Variants in PPFIA2 observed in about 807,000 individuals in gnomAD.
PPFIA2 encodes the protein PPFI scaffold protein A2, also known as liprin-alpha-2.
PPFIA2 carries 46 observed loss-of-function variants against 175.5 expected under a neutral mutation model. The ratio of observed to expected loss-of-function variants is 0.26; its 90% CI spans 0.21 to 0.34. PPFIA2 has a LOEUF of 0.34. PPFIA2 is among the 10% of genes least tolerant of loss of function. PPFIA2 has a pLI of 1.00. For missense variants in PPFIA2, 1,179 were observed against 1,506.1 expected, an observed-to-expected ratio of 0.78 and a Z score of 3.60; for synonymous variants, 568 against 511.4, an observed-to-expected ratio of 1.11 and a Z score of -1.49.
At chr12:81,346,059 A>T (rs542312624) in intron 18 of PPFIA2, among the ~76,000 whole-genome samples, 1 of 151,482 alleles carries the variant, frequency 6.6e-6, no homozygotes, top group East Asian at 1.9e-4. Flanking sequence ...TCTTCTTTTT[A>T]AAAAAAATTC....
chr12:81,445,819 C>T (rs754516726), intron 5 of PPFIA2, 99 bp from the exon 6 acceptor site: 4 of 1,132,682 alleles, frequency 3.5e-6, no homozygotes, highest in Non-Finnish European at 4.9e-6. Context: ...TACATAGTAT[C>T]TAATGTTAGC....
chr12:81,579,985 T>C (rs1473743837), intron 4 of PPFIA2, among the ~76,000 whole-genome samples: 2 of 151,808 alleles, frequency 1.3e-5, no homozygotes, highest in African/African-American at 4.8e-5. Context: ...AAGGATCTTT[T>C]ACTCTGATCC....
At chr12:81,447,758 T>G (rs559357890) in intron 5 of PPFIA2, among the ~76,000 whole-genome samples, 11 of 152,332 alleles carry the variant, frequency 7.2e-5, no homozygotes, top group Admixed American at 5.2e-4. Flanking sequence ...TTAGCTCAAT[T>G]CCCAACATCT....
intron 3 of PPFIA2, among the ~76,000 whole-genome samples, chr12:81,683,788 G>GA (rs937128887): frequency 4.0e-5 from 6 of 151,582 alleles, no homozygotes; most frequent in East Asian, 3.9e-4. Context: ...ATTAAATAAA[G>GA]AAAAAAAAGG....
chr12:81,657,085 T>C (rs534349770), intron 4 of PPFIA2, among the ~76,000 whole-genome samples: 4 of 152,304 alleles, frequency 2.6e-5, no homozygotes, highest in African/African-American at 9.6e-5. Flanking sequence ...AATGTTTCCC[T>C]GACTGTAAGC....
At position 81,556,846 on chromosome 12, in the gene PPFIA2, T is replaced by C. The variant is rs34136585; in HGVS notation, c.304-98980A>G. Among the ~76,000 whole-genome samples the C allele has an allele frequency of 4.8e-3, 730 of 152,088 alleles. 5 individuals are homozygous for C. Among genetic ancestry groups the C allele is most frequent in the Non-Finnish European group, 7.0e-3 (475 of 67,880 alleles). On this transcript the variant is annotated intron_variant, in intron 4 of 32. Coordinates refer to ENST00000549396, the MANE Select transcript of PPFIA2 (RefSeq NM_003625.5). ...CTAATAGAAGCTAAAATATAAGATG[T>C]ACATGAGGACTGCACATCTTTCACT...
chr12:81,443,593 A>G (rs1049869857), intron 6 of PPFIA2, among the ~76,000 whole-genome samples: 4 of 152,060 alleles, frequency 2.6e-5, no homozygotes, highest in Non-Finnish European at 5.9e-5. Context: ...TATTACCTCT[A>G]TTCTGATAAA....
chr12:81,634,627 G>A (rs1177594554), intron 4 of PPFIA2, among the ~76,000 whole-genome samples: 1 of 151,992 alleles, frequency 6.6e-6, no homozygotes, highest in Non-Finnish European at 1.5e-5. Flanking sequence ...TTTCTTGAAG[G>A]AACAATGCTG....
intron 7 of PPFIA2, among the ~76,000 whole-genome samples, chr12:81,428,982 C>A (rs1039985692): frequency 2.0e-5 from 3 of 151,920 alleles, no homozygotes; most frequent in African/African-American, 4.8e-5. Flanking sequence ...TTAGTCATGG[C>A]GACTTGTTTC....
intron 4 of PPFIA2, among the ~76,000 whole-genome samples, chr12:81,562,453 A>G (rs1001691064): frequency 6.6e-6 from 1 of 152,172 alleles, no homozygotes. Flanking sequence ...AGAAAACACT[A>G]TTAGGGGAAA....
At chr12:81,509,348 A>G (rs1286304698) in intron 4 of PPFIA2, among the ~76,000 whole-genome samples, 2 of 152,150 alleles carry the variant, frequency 1.3e-5, no homozygotes, top group African/African-American at 4.8e-5. Context: ...AGACCTTCAA[A>G]TTTTATTATT....
chr12:81,410,835 G>A (rs2043822461), intron 7 of PPFIA2, among the ~76,000 whole-genome samples: 1 of 152,040 alleles, frequency 6.6e-6, no homozygotes, highest in Non-Finnish European at 1.5e-5. Context: ...AGGTAAGCTG[G>A]TAGAATATGA....
At chr12:81,661,277 C>T (rs1212717853) in intron 4 of PPFIA2, among the ~76,000 whole-genome samples, 1 of 152,086 alleles carries the variant, frequency 6.6e-6, no homozygotes, top group East Asian at 1.9e-4. Context: ...AGTCAAGACC[C>T]ATCTGTGTAC....
At chr12:81,348,725 G>GA (rs111913310) in intron 17 of PPFIA2, among the ~76,000 whole-genome samples, 2 of 151,728 alleles carry the variant, frequency 1.3e-5, no homozygotes, top group Admixed American at 6.6e-5. Flanking sequence ...GGCAGAGTGA[G>GA]AAAAAAAATT....
chr12:81,418,478 T>C (rs372293626), intron 7 of PPFIA2, among the ~76,000 whole-genome samples: 1 of 151,962 alleles, frequency 6.6e-6, no homozygotes, highest in African/African-American at 2.4e-5. Context: ...AAGAGAATAA[T>C]ATTGTGTAAA....
In PPFIA2 at chr12:81,649,035, G is replaced by C. The variant is rs527849879; in HGVS notation, c.303+27756C>G. 6.9e-4 allele frequency among the ~76,000 whole-genome samples: 104 copies of C among 151,578 alleles called. 2 individuals are homozygous for C. In the South Asian group the frequency reaches 0.021, roughly 30 times the overall value. ...TCATAGATTCTAAAAGAAAAAGCAG[G>C]ACAAAATCTTTGTCACCTTTATTTA... On this transcript the variant is annotated intron_variant, in intron 4 of 32. Transcript: ENST00000549396.
chr12:81,273,821 G>T (rs1014542960), intron 28 of PPFIA2, among the ~76,000 whole-genome samples: 7 of 152,018 alleles, frequency 4.6e-5, no homozygotes, highest in African/African-American at 1.7e-4. Flanking sequence ...AAAGCAGAAT[G>T]AATTTCTGCC....
intron 4 of PPFIA2, among the ~76,000 whole-genome samples, chr12:81,554,641 A>C (rs1310109706): frequency 1.3e-5 from 2 of 152,066 alleles, no homozygotes; most frequent in African/African-American, 4.8e-5. Flanking sequence ...ATTGATTTTA[A>C]TTTGCTCATG....
At chr12:81,678,499 T>G (rs1424106261) in intron 3 of PPFIA2, among the ~76,000 whole-genome samples, 1 of 151,908 alleles carries the variant, frequency 6.6e-6, no homozygotes, top group Non-Finnish European at 1.5e-5. Context: ...ATGAATTTAT[T>G]CATGCATAGT....
Sources: allele counts gnomAD v4.1 joint callset (sites outside exome capture counted in the v4.1 genomes callset), GRCh38; gene constraint gnomAD v4.1.1; transcripts MANE v1.5; gene names NCBI Gene and HGNC (gene_info 2026-07-23, HGNC 2026-07-21).